Variants in FCER1A observed in about 807,000 individuals in gnomAD.
FCER1A encodes the protein Fc epsilon receptor Ia.
FCER1A carries 24 observed loss-of-function variants against 23.6 expected under a neutral mutation model. The ratio of observed to expected loss-of-function variants is 1.02; its 90% confidence interval spans 0.74 to 1.43. The LOEUF is 1.43. FCER1A is among the 40% of genes most tolerant of loss of function. FCER1A has a pLI of 0.00. For missense variants in FCER1A, 318 were observed against 294.5 expected (o/e 1.08, Z -0.58); for synonymous variants, 121 against 108.8 (o/e 1.11, Z -0.70).
chr1:159,297,209 C>T (rs1016974212), intron 1 of FCER1A, among the ~76,000 whole-genome samples: 1 of 152,176 alleles, frequency 6.6e-6, no homozygotes, highest in Non-Finnish European at 1.5e-5. Flanking sequence ...GATCTTCAAA[C>T]TTCCTAACGC....
intron 1 of FCER1A, chr1:159,289,858 G>A (rs1336595987): frequency 1.3e-5 from 2 of 152,090 alleles, no homozygotes; most frequent in African/African-American, 4.8e-5. Flanking sequence ...TTCCTTGAGA[G>A]TAGGAAGAAG....
chr1:159,297,833 C>A (rs1388716477), upstream of FCER1A, among the ~76,000 whole-genome samples: 2 of 152,012 alleles, frequency 1.3e-5, no homozygotes, highest in African/African-American at 2.4e-5. Flanking sequence ...TTGAGCCTGG[C>A]AGTCCGAGAC....
intron 1 of FCER1A, among the ~76,000 whole-genome samples, chr1:159,292,392 A>G (rs146861062): frequency 1.6e-4 from 24 of 152,246 alleles, no homozygotes; most frequent in Admixed American, 1.2e-3. Flanking sequence ...TTCACCATGT[A>G]ATTACTGTCT....
chr1:159,307,699 A>C (rs1357939856), intron 4 of FCER1A, 49 bp from the exon 5 acceptor site: 1 of 1,398,352 alleles, frequency 7.2e-7, no homozygotes, highest in Non-Finnish European at 9.9e-7. Flanking sequence ...CTCATTTTTC[A>C]GTTCCCAAGA....
chr1:159,304,863 A>G (rs951048456), intron 3 of FCER1A, among the ~76,000 whole-genome samples: 6 of 152,096 alleles, frequency 3.9e-5, no homozygotes, highest in African/African-American at 1.4e-4. Flanking sequence ...TTTGCTCTGC[A>G]TAATCCATAT....
chr1:159,291,359 G>T (rs1652148928), intron 1 of FCER1A, among the ~76,000 whole-genome samples: 1 of 152,030 alleles, frequency 6.6e-6, no homozygotes, highest in South Asian at 2.1e-4. Flanking sequence ...TAACTGCATA[G>T]TTCATTTGGT....
At chr1:159,286,286 A>G (rs556389345), upstream of FCER1A, among the ~76,000 whole-genome samples, 1 of 152,294 alleles carries the variant, frequency 6.6e-6, no homozygotes, top group African/African-American at 2.4e-5. Context: ...CCTCCATTCA[A>G]ATGGATCCCA....
chr1:159,292,781 T>C (rs763339032), intron 1 of FCER1A, among the ~76,000 whole-genome samples: 1 of 152,136 alleles, frequency 6.6e-6, no homozygotes, highest in Non-Finnish European at 1.5e-5. Context: ...TAAGAGGTAA[T>C]TGGTTCATAC....
In FCER1A at chr1:159,303,925, A is replaced by T; in HGVS notation, c.77-3A>T. 6.2e-7 allele frequency: 1 copy of T among 1,606,072 alleles called. No individual in the cohort carries two copies. The highest frequency in any genetic ancestry group is 8.5e-7 in the Non-Finnish European group (1 of 1,175,398). ...GTCTTTTCATATTTTTATCTTCTTG[A>T]AGTCCCTCAGAAACCTAAGGTCTCC... On this transcript the variant is annotated splice_polypyrimidine_tract_variant and splice_region_variant and intron_variant, in intron 2 of 4. Coordinates refer to ENST00000693622, the MANE Select transcript of FCER1A (RefSeq NM_001387280.1).
chr1:159,284,048 C>T, the FCER1A span, among the ~76,000 whole-genome samples: 4 of 152,104 alleles, frequency 2.6e-5, no homozygotes, highest in African/African-American at 9.7e-5. Context: ...AAGTAAACCA[C>T]GTGAATACTG....
chr1:159,287,768 A>G (rs1477233050), upstream of FCER1A, among the ~76,000 whole-genome samples: 1 of 148,274 alleles, frequency 6.7e-6, no homozygotes, highest in Non-Finnish European at 1.5e-5. Context: ...ATATTTATAT[A>G]TAAATATAAA....
At position 159,303,739 on chromosome 1, in the gene FCER1A, G is replaced by A. The variant is rs566762163; in HGVS notation, c.77-189G>A. Among the ~76,000 whole-genome samples the A allele has an allele frequency of 9.3e-4, 142 of 152,270 alleles. 1 individual carries two copies. Among genetic ancestry groups the A allele is most frequent in the Non-Finnish European group, 1.7e-3 (117 of 68,024 alleles). ...TCCTGTCTTTCTCCCTGTGTTGGGC[G>A]TTCCCTGGGGCACCAATACTAATTT... On this transcript the variant is annotated intron_variant, in intron 2 of 4. Coordinates refer to ENST00000693622, the MANE Select transcript of FCER1A (RefSeq NM_001387280.1).
At position 159,302,880 on chromosome 1, in the gene FCER1A, T is replaced by A. The variant is rs1652479041; in HGVS notation, c.76+6T>A. On this transcript the variant is annotated splice_donor_region_variant and intron_variant, in intron 2 of 4. Coordinates refer to ENST00000693622, the MANE Select transcript of FCER1A (RefSeq NM_001387280.1). ...TCCAGATGGCGTGTTAGCAGGTGAGTCCTCTGTTCTTGTTCCCTTGGTGTT... is the reference window on the plus strand; with the variant it reads ...TCCAGATGGCGTGTTAGCAGGTGAGACCTCTGTTCTTGTTCCCTTGGTGTT... 1 of 1,613,272 alleles carries A rather than the reference T, an allele frequency of 6.2e-7. No homozygotes were observed. The highest frequency in any genetic ancestry group is 1.1e-5 in the South Asian group (1 of 91,064).
chr1:159,306,158 G>A lies in FCER1A; in HGVS notation c.502G>A (p.Val168Ile). The A allele has an allele frequency of 6.2e-7, 1 of 1,614,144 alleles. No homozygotes were observed. The highest frequency in any genetic ancestry group is 8.5e-7 in the Non-Finnish European group (1 of 1,179,984). ...NHNISITNAT[V>I]EDSGTYYCTG... ...CAACATCTCCATTACAAATGCCACA[G>A]TTGAAGACAGTGGAACCTACTACTG... is the stretch of plus-strand genomic sequence containing the variant. Residue 168 changes from valine (V) to isoleucine (I), a missense_variant, in exon 4 of 5, where the codon GTT becomes ATT. Coordinates refer to ENST00000693622, the MANE Select transcript of FCER1A (RefSeq NM_001387280.1).
chr1:159,302,259 A>C, upstream of FCER1A: 1 of 821,490 alleles, frequency 1.2e-6, no homozygotes, highest in Non-Finnish European at 2.1e-6. Flanking sequence ...TGATGGGTTA[A>C]CCAGATATGA....
upstream of FCER1A, among the ~76,000 whole-genome samples, chr1:159,297,749 A>C (rs915273380): frequency 6.6e-6 from 1 of 151,626 alleles, no homozygotes; most frequent in African/African-American, 2.4e-5. Context: ...ATATTCTGGT[A>C]TTTTTTTTAG....
At chr1:159,290,370 T>C (rs1360484328) in intron 1 of FCER1A, among the ~76,000 whole-genome samples, 1 of 152,180 alleles carries the variant, frequency 6.6e-6, no homozygotes, top group Non-Finnish European at 1.5e-5. Flanking sequence ...ACTTCTAACC[T>C]GCCTTTTCCT....
intron 1 of FCER1A, among the ~76,000 whole-genome samples, chr1:159,293,219 T>A (rs924438773): frequency 1.3e-5 from 2 of 150,424 alleles, no homozygotes; most frequent in African/African-American, 2.4e-5. Context: ...TTCTTTTGCT[T>A]CACACAGTCC....
chr1:159,297,100 T>C (rs971195670), intron 1 of FCER1A, among the ~76,000 whole-genome samples: 3 of 152,220 alleles, frequency 2.0e-5, no homozygotes, highest in African/African-American at 7.2e-5. Context: ...TGTGTAATTC[T>C]GTAAGGAAGC....
Sources: allele counts gnomAD v4.1 joint callset (sites outside exome capture counted in the v4.1 genomes callset), GRCh38; gene constraint gnomAD v4.1.1; transcripts MANE v1.5; gene names NCBI Gene and HGNC (gene_info 2026-07-23, HGNC 2026-07-21).